The following TRAF3IP2 variants were observed in gnomAD, a reference collection of about 807,000 sequenced individuals.
TRAF3IP2 encodes TRAF3 interacting protein 2, also known as E3 ubiquitin ligase TRAF3IP2.
Under a neutral mutation model 57.9 loss-of-function variants are expected in TRAF3IP2, and 35 were observed. The observed-to-expected ratio is 0.60, with a 90% CI of 0.46 to 0.80. The LOEUF (loss-of-function observed/expected upper bound fraction) is 0.80, where lower values mean the gene tolerates loss of function less well. Ranked by LOEUF, TRAF3IP2 falls within the 30% of genes least tolerant of loss-of-function variation. The pLI is 0.00. For missense variants in TRAF3IP2, 556 were observed against 706.4 expected (o/e 0.79, Z 2.41); for synonymous variants, 251 against 268.9 (o/e 0.93, Z 0.65).
At chr6:111,592,244 G>T in intron 1 of TRAF3IP2, 150 bp from the exon 2 acceptor site, 1 of 704,774 alleles carries the variant, frequency 1.4e-6, no homozygotes, top group Non-Finnish European at 2.4e-6. Context: ...ACATAAAATT[G>T]TTTACTTATC....
chr6:111,597,637 C>T (rs1796731029), intron 1 of TRAF3IP2, among the ~76,000 whole-genome samples: 1 of 152,162 alleles, frequency 6.6e-6, no homozygotes, highest in Non-Finnish European at 1.5e-5. Flanking sequence ...CTCAGTATCT[C>T]ACCATTGTAT....
At chr6:111,589,395 G>T (rs1164150776) in intron 2 of TRAF3IP2, among the ~76,000 whole-genome samples, 2 of 152,156 alleles carry the variant, frequency 1.3e-5, no homozygotes, top group African/African-American at 2.4e-5. Flanking sequence ...ACAGATAACA[G>T]AATGTTAAAA....
intron 6 of TRAF3IP2, chr6:111,566,965 G>T (rs993851355): frequency 1.9e-5 from 6 of 324,000 alleles, no homozygotes; most frequent in South Asian, 1.6e-4. Flanking sequence ...TGTCTTCTGC[G>T]TGTACACATT....
intron 1 of TRAF3IP2, among the ~76,000 whole-genome samples, chr6:111,596,118 A>G (rs949165024): frequency 1.3e-5 from 2 of 151,864 alleles, no homozygotes; most frequent in African/African-American, 4.8e-5. Context: ...TAAAATGTTT[A>G]CACTCTCCTC....
At chr6:111,575,005 C>T (rs528458792) in intron 4 of TRAF3IP2, among the ~76,000 whole-genome samples, 3 of 151,522 alleles carry the variant, frequency 2.0e-5, no homozygotes, top group South Asian at 4.2e-4. Flanking sequence ...GTGGATCACT[C>T]GAATCCAGCA....
At chr6:111,567,279 CA>C (rs1795683342) in intron 6 of TRAF3IP2, 1 of 1,041,822 alleles carries the variant, frequency 9.6e-7, no homozygotes, top group Non-Finnish European at 1.2e-6. Context: ...CCCAATTCTA[CA>C]AAACACTTGG....
chr6:111,577,694 T>G (rs1359769749), intron 3 of TRAF3IP2, among the ~76,000 whole-genome samples: 1 of 151,636 alleles, frequency 6.6e-6, no homozygotes, highest in Admixed American at 6.6e-5. Flanking sequence ...GGTTTGTGTG[T>G]ATGTGTGTGT....
At chr6:111,575,587 CAAAAA>C (rs60481646) in intron 4 of TRAF3IP2, 51 bp downstream of exon 4, 91,579 of 1,317,188 alleles carry the variant, frequency 0.07, 312 homozygotes, top group East Asian at 0.13. Flanking sequence ...GACTCCGTCT[CAAAAA>C]AAAAAAAAAA....
At chr6:111,567,137 T>G in intron 6 of TRAF3IP2, 1 of 991,400 alleles carries the variant, frequency 1.0e-6, no homozygotes, top group Non-Finnish European at 1.2e-6. Context: ...AATTTCGATC[T>G]TGTTAAAGCA....
intron 6 of TRAF3IP2, chr6:111,567,080 G>T: frequency 1.5e-6 from 1 of 658,776 alleles, no homozygotes; most frequent in Non-Finnish European, 1.9e-6. Context: ...GTCCCCCACT[G>T]GCTCCCTCCA....
rs764608778 is a variant in TRAF3IP2, at chr6:111,556,275, C to T, written c.*3130G>A. ...GTTTTTTTGCTACCAGTGCTACCAG[C>T]TGTAACACTTTAATGACTCTTTGTG... On this transcript the variant is annotated 3_prime_UTR_variant, in exon 9 of 9. Coordinates refer to ENST00000368761, the MANE Select transcript of TRAF3IP2 (RefSeq NM_147686.4). Among the ~76,000 whole-genome samples the T allele has an allele frequency of 1.3e-5, 2 of 151,946 alleles. No individual in the cohort carries two copies. The highest frequency in any genetic ancestry group is 2.9e-5 in the Non-Finnish European group (2 of 68,006).
chr6:111,598,145 G>A, intron 1 of TRAF3IP2: 1 of 276,096 alleles, frequency 3.6e-6, no homozygotes, highest in South Asian at 3.6e-5. Flanking sequence ...CAGAGCCCAG[G>A]CCCCACACCC....
chr6:111,593,485 T>C (rs1796582609), intron 1 of TRAF3IP2, among the ~76,000 whole-genome samples: 2 of 152,188 alleles, frequency 1.3e-5, no homozygotes, highest in Non-Finnish European at 2.9e-5. Context: ...CCAGCAGTTT[T>C]CCACCAAATA....
At chr6:111,564,937 C>T (rs1795579206) in intron 7 of TRAF3IP2, among the ~76,000 whole-genome samples, 1 of 152,178 alleles carries the variant, frequency 6.6e-6, no homozygotes, top group Non-Finnish European at 1.5e-5. Flanking sequence ...TGCAGACATG[C>T]ATCAGACAAC....
intron 1 of TRAF3IP2, among the ~76,000 whole-genome samples, chr6:111,592,445 GAAGA>G (rs1459593142): frequency 1.3e-5 from 2 of 152,180 alleles, no homozygotes; most frequent in African/African-American, 2.4e-5. Flanking sequence ...TGGAATACAT[GAAGA>G]AATAAATCTT....
At chr6:111,583,984 A>C (rs1337410438) in intron 2 of TRAF3IP2, among the ~76,000 whole-genome samples, 25 of 152,218 alleles carry the variant, frequency 1.6e-4, no homozygotes. Flanking sequence ...GAAAAAGCTG[A>C]AAGTATCTTG....
chr6:111,570,598 T>G (rs1342217592), intron 5 of TRAF3IP2, among the ~76,000 whole-genome samples: 1 of 152,190 alleles, frequency 6.6e-6, no homozygotes, highest in Non-Finnish European at 1.5e-5. Flanking sequence ...AGGGACAGAT[T>G]TAAATTCTGC....
intron 2 of TRAF3IP2, among the ~76,000 whole-genome samples, chr6:111,587,770 A>G (rs1003045258): frequency 6.6e-6 from 1 of 152,182 alleles, no homozygotes; most frequent in African/African-American, 2.4e-5. Context: ...TGATGTCAGA[A>G]TGTGTATTCA....
intron 5 of TRAF3IP2, among the ~76,000 whole-genome samples, chr6:111,570,731 T>C (rs1795804364): frequency 6.6e-6 from 1 of 152,182 alleles, no homozygotes; most frequent in Non-Finnish European, 1.5e-5. Flanking sequence ...GCCTTATGTC[T>C]TAGTATTTAT....
Sources: gnomAD v4.1 joint callset for allele counts (sites outside exome capture counted in the v4.1 genomes callset) on GRCh38, gnomAD v4.1.1 for gene constraint, MANE v1.5 for transcripts, NCBI Gene and HGNC (gene_info 2026-07-23, HGNC 2026-07-21) for gene names.